The following CDC42SE2 variants were observed in gnomAD, a reference collection of about 807,000 sequenced individuals.
The protein encoded by CDC42SE2 is CDC42 small effector protein 2.
CDC42SE2 carries 3 observed loss-of-function variants against 11.5 expected under a neutral mutation model. The observed-to-expected ratio is 0.26, with a 90% CI of 0.12 to 0.67. CDC42SE2 has a LOEUF of 0.67. CDC42SE2 is among the 30% of genes least tolerant of loss of function. The pLI is 0.80. For synonymous variants in CDC42SE2, 33 were observed against 34.8 expected (o/e 0.95, Z 0.18); for missense variants, 82 against 106.8 (o/e 0.77, Z 1.02).
At chr5:131,330,851 CAAAA>C (rs912955913) in intron 2 of CDC42SE2, among the ~76,000 whole-genome samples, 2 of 58,152 alleles carry the variant, frequency 3.4e-5, no homozygotes, top group Admixed American at 2.0e-4. Flanking sequence ...CCTGCCTTTA[CAAAA>C]AAAAAAAAAA....
At chr5:131,275,243 T>C (rs187406588) in intron 1 of CDC42SE2, among the ~76,000 whole-genome samples, 1 of 152,178 alleles carries the variant, frequency 6.6e-6, no homozygotes, top group Admixed American at 6.6e-5. Context: ...TCTTCAATTC[T>C]GAGTGTTGGT....
chr5:131,227,426 G>A, the CDC42SE2 span, among the ~76,000 whole-genome samples: 2 of 152,108 alleles, frequency 1.3e-5, no homozygotes, highest in Admixed American at 1.3e-4. Flanking sequence ...CTTGAGGTCA[G>A]GAGTTCTAGA....
At chr5:131,319,068 A>C (rs1758107149) in intron 2 of CDC42SE2, among the ~76,000 whole-genome samples, 1 of 151,940 alleles carries the variant, frequency 6.6e-6, no homozygotes, top group African/African-American at 2.4e-5. Context: ...CTCCTGGCCA[A>C]GTTTTTTTGT....
chr5:131,290,437 G>C (rs1345932234), intron 1 of CDC42SE2, among the ~76,000 whole-genome samples: 2 of 148,872 alleles, frequency 1.3e-5, no homozygotes, highest in Non-Finnish European at 3.0e-5. Context: ...TGAAAGTTTT[G>C]AGAAACTGTA....
Position 131,359,194 on chromosome 5 carries a change from C to G in CDC42SE2, c.-285-15C>G, listed in dbSNP as rs1429586963. 3.8e-6 allele frequency: 1 copy of G among 264,248 alleles called. No individual in the cohort carries two copies. The highest frequency in any genetic ancestry group is 7.0e-6 in the Non-Finnish European group (1 of 142,272). The allele number at this position is 264,248 out of a possible 1,614,324, so 16.4% of individuals were successfully genotyped here. On this transcript the variant is annotated splice_polypyrimidine_tract_variant and intron_variant, in intron 2 of 4. Transcript: ENST00000505065. ...AAAGTTTAACTTTTTTTTACTTTTT[C>G]TTTTTTTTCCCTAGACTATCTGTTA...
chr5:131,272,232 C>G, intron 1 of CDC42SE2, among the ~76,000 whole-genome samples: 1 of 151,826 alleles, frequency 6.6e-6, no homozygotes, highest in Non-Finnish European at 1.5e-5. Flanking sequence ...ACAGGCTGGT[C>G]TCGAACTCTC....
At chr5:131,216,501 C>CAA in the CDC42SE2 span, among the ~76,000 whole-genome samples, 1,212 of 41,554 alleles carry the variant, frequency 0.029, 42 homozygotes, top group African/African-American at 0.098. Flanking sequence ...GAACCTGTCT[C>CAA]AAAAAAAAAA....
chr5:131,309,829 TTCTC>T (rs1283275465), intron 1 of CDC42SE2, among the ~76,000 whole-genome samples: 4 of 152,202 alleles, frequency 2.6e-5, no homozygotes. Context: ...TATTTGATTC[TTCTC>T]TCTTTTTTTC....
intron 1 of CDC42SE2, among the ~76,000 whole-genome samples, chr5:131,314,122 T>G (rs998441448): frequency 2.6e-5 from 4 of 152,256 alleles, no homozygotes; most frequent in African/African-American, 9.6e-5. Context: ...ATTGACTTCA[T>G]TGATCTATGA....
At chr5:131,311,698 T>G (rs1757918669) in intron 1 of CDC42SE2, among the ~76,000 whole-genome samples, 1 of 152,244 alleles carries the variant, frequency 6.6e-6, no homozygotes, top group African/African-American at 2.4e-5. Context: ...TCATCTCATC[T>G]TCCATCGCTG....
upstream of CDC42SE2, among the ~76,000 whole-genome samples, chr5:131,242,109 C>T (rs906414148): frequency 6.6e-6 from 1 of 152,146 alleles, no homozygotes; most frequent in Non-Finnish European, 1.5e-5. Context: ...TGATACTCTT[C>T]CAGGCATACA....
chr5:131,386,397 G>A (rs1301307558), intron 4 of CDC42SE2, among the ~76,000 whole-genome samples: 1 of 152,118 alleles, frequency 6.6e-6, no homozygotes, highest in African/African-American at 2.4e-5. Context: ...ATCTTTACCT[G>A]GTAATATTAG....
chr5:131,217,483 A>G, the CDC42SE2 span, among the ~76,000 whole-genome samples: 294 of 152,370 alleles, frequency 1.9e-3, 1 homozygote, highest in African/African-American at 6.8e-3. Flanking sequence ...AGCATGATTT[A>G]GAAAAGTTAT....
chr5:131,361,424 G>A lies in CDC42SE2; in HGVS notation c.54+1877G>A, dbSNP rs551764771. On this transcript the variant is annotated intron_variant, in intron 3 of 4. Transcript: ENST00000505065. ...AAGCCATGCGATGGGGGTGTGGCTC[G>A]CTTCTTCAGTGCCCTGCTGCTCAAA... Among the ~76,000 whole-genome samples, 64 of 152,228 alleles carry A rather than the reference G, an allele frequency of 4.2e-4. No homozygotes were observed. The South Asian group carries it at 0.012, about 30-fold the overall frequency.
upstream of CDC42SE2, among the ~76,000 whole-genome samples, chr5:131,259,408 T>C (rs557256588): frequency 1.3e-5 from 2 of 151,324 alleles, no homozygotes; most frequent in Non-Finnish European, 2.9e-5. Flanking sequence ...TATATAACAT[T>C]GGTCAAGTGG....
intron 1 of CDC42SE2, among the ~76,000 whole-genome samples, chr5:131,270,728 G>T (rs1331772864): frequency 2.0e-5 from 3 of 152,258 alleles, no homozygotes; most frequent in East Asian, 3.9e-4. Context: ...GTCAATAATA[G>T]TTTTATTTTA....
chr5:131,220,480 C>T, the CDC42SE2 span, among the ~76,000 whole-genome samples: 82 of 152,298 alleles, frequency 5.4e-4, no homozygotes, highest in Middle Eastern at 3.4e-3. Context: ...GCTAGGATTA[C>T]AGGCATGAGC....
the CDC42SE2 span, among the ~76,000 whole-genome samples, chr5:131,238,210 G>A: frequency 6.6e-6 from 1 of 151,964 alleles, no homozygotes; most frequent in Non-Finnish European, 1.5e-5. Flanking sequence ...AAACCTAGAT[G>A]ACGGGGGCGG....
intron 2 of CDC42SE2, among the ~76,000 whole-genome samples, chr5:131,343,280 A>G (rs1349175346): frequency 6.6e-6 from 1 of 152,160 alleles, no homozygotes; most frequent in African/African-American, 2.4e-5. Context: ...TGTCTAGTAG[A>G]CTCAAGAGAG....
Sources: allele counts gnomAD v4.1 joint callset (sites outside exome capture counted in the v4.1 genomes callset), GRCh38; gene constraint gnomAD v4.1.1; transcripts MANE v1.5; gene names NCBI Gene and HGNC (gene_info 2026-07-23, HGNC 2026-07-21).